ASAP1: variants seen among roughly 807,000 people sequenced by gnomAD.
The protein encoded by ASAP1 is ArfGAP with SH3 domain, ankyrin repeat and PH domain 1.
Under a neutral mutation model 145.2 loss-of-function variants are expected in ASAP1, and 43 were observed. That is an observed-to-expected ratio of 0.30 (90% CI 0.23 to 0.38). ASAP1 has a LOEUF of 0.38. Among genes scored for constraint, ASAP1 ranks in the 10% least tolerant of loss-of-function variants. ASAP1 has a pLI of 1.00. For missense variants in ASAP1, 1,018 were observed against 1,355.3 expected, an observed-to-expected ratio of 0.75 and a Z score of 3.91; for synonymous variants, 546 against 515.5, an observed-to-expected ratio of 1.06 and a Z score of -0.80.
chr8:130,134,191 C>T lies in ASAP1; in HGVS notation c.1217+105G>A, dbSNP rs970396749. On this transcript the variant is annotated intron_variant, in intron 15 of 29. Transcript: ENST00000518721. Reference sequence around the variant, plus strand: ...CAGGCGGGAAAGAAGCATGGAGCCACCAGGCGAGGTTCTTACAAATGAAAA... The same window carrying T: ...CAGGCGGGAAAGAAGCATGGAGCCATCAGGCGAGGTTCTTACAAATGAAAA... 2.0e-5 allele frequency: 16 copies of T among 814,518 alleles called. No individual in the cohort carries two copies. In the African/African-American group the frequency reaches 2.9e-4, roughly 15 times the overall value. 50.5% of individuals were successfully genotyped at this position (814,518 alleles called of 1,614,324 possible).
chr8:130,198,959 A>C, intron 5 of ASAP1, among the ~76,000 whole-genome samples: 1 of 151,226 alleles, frequency 6.6e-6, no homozygotes, highest in Non-Finnish European at 1.5e-5. Context: ...CTGCACTACA[A>C]CTCCTTTTGG....
At chr8:130,289,810 T>C (rs1440378194) in intron 3 of ASAP1, among the ~76,000 whole-genome samples, 1 of 152,186 alleles carries the variant, frequency 6.6e-6, no homozygotes, top group Non-Finnish European at 1.5e-5. Context: ...ATACTTATTG[T>C]TTATTATACA....
At chr8:130,218,985 G>A (rs780663261) in intron 4 of ASAP1, among the ~76,000 whole-genome samples, 2 of 151,812 alleles carry the variant, frequency 1.3e-5, no homozygotes, top group Non-Finnish European at 2.9e-5. Context: ...AGTTTAGTAA[G>A]ATATATCTTG....
chr8:130,139,600 A>G (rs926156067), intron 13 of ASAP1, among the ~76,000 whole-genome samples: 1 of 151,990 alleles, frequency 6.6e-6, no homozygotes, highest in East Asian at 1.9e-4. Flanking sequence ...ATGACGGCGC[A>G]TGCCTGTAAT....
At chr8:130,357,979 C>A (rs761239180) in intron 3 of ASAP1, 38 bp downstream of exon 3, 2 of 1,578,072 alleles carry the variant, frequency 1.3e-6, no homozygotes. Context: ...GCGGCGGCAG[C>A]GGCGAGCGTG....
intron 3 of ASAP1, among the ~76,000 whole-genome samples, chr8:130,341,929 G>C (rs145954408): frequency 6.6e-6 from 1 of 152,326 alleles, no homozygotes; most frequent in African/African-American, 2.4e-5. Context: ...GAGATGGGAA[G>C]AGACAGCCAG....
intron 11 of ASAP1, chr8:130,160,775 A>G (rs1034506596): frequency 2.3e-6 from 3 of 1,280,874 alleles, no homozygotes. Flanking sequence ...CATAAAAAGT[A>G]TTGACTTACT....
In ASAP1 at chr8:130,358,287, G is replaced by C. The variant is rs902946113; in HGVS notation, c.60-144C>G. 7.7e-6 allele frequency: 4 copies of C among 521,436 alleles called. No individual in the cohort carries two copies. Among genetic ancestry groups the C allele is most frequent in the African/African-American group, 6.2e-5 (3 of 48,380 alleles). 32.3% of individuals were successfully genotyped at this position (521,436 alleles called of 1,614,324 possible). ...GGCCTGGCGCGCGGCTCCCGTCCCC[G>C]GCAGCGGCGAGAGGGAGGGAAGGAG... On this transcript the variant is annotated intron_variant, in intron 2 of 29. Transcript: ENST00000518721. This position sits in a 1 kb window ranked among gnomAD's most constrained non-coding sequence, Gnocchi z 4.1.
intron 2 of ASAP1, among the ~76,000 whole-genome samples, chr8:130,377,139 A>G (rs1381508680): frequency 1.3e-5 from 2 of 151,992 alleles, no homozygotes; most frequent in African/African-American, 2.4e-5. Context: ...ACCAAATATC[A>G]TATGTTCTCA....
intron 1 of ASAP1, among the ~76,000 whole-genome samples, chr8:130,416,558 C>T (rs75401969): frequency 0.043 from 6,524 of 152,320 alleles, 240 homozygotes; most frequent in African/African-American, 0.099. Flanking sequence ...GTTATCCTGA[C>T]TGTCATCTTC....
chr8:130,147,198 C>CAAAAAAAAAAAAAAAAAAA (rs559149769), intron 13 of ASAP1, among the ~76,000 whole-genome samples: 1 of 63,338 alleles, frequency 1.6e-5, no homozygotes, highest in Non-Finnish European at 2.7e-5. Flanking sequence ...AATGCAGTCT[C>CAAAAAAAAAAAAAAAAAAA]AAAAAAAAAA....
chr8:130,278,185 G>A (rs1022322398), intron 3 of ASAP1, among the ~76,000 whole-genome samples: 5 of 152,110 alleles, frequency 3.3e-5, no homozygotes, highest in Non-Finnish European at 5.9e-5. Context: ...AAGGGAATGA[G>A]CAATGTAAAC....
intron 3 of ASAP1, among the ~76,000 whole-genome samples, chr8:130,249,400 G>C (rs1307805677): frequency 6.6e-6 from 1 of 152,120 alleles, no homozygotes; most frequent in African/African-American, 2.4e-5. Flanking sequence ...TAACATGCCA[G>C]GCTCCTTTCT....
At chr8:130,084,907 C>G (rs1340175444) in intron 25 of ASAP1, 3 of 152,066 alleles carry the variant, frequency 2.0e-5, no homozygotes, top group Non-Finnish European at 4.4e-5. Flanking sequence ...AGCAGTAAAC[C>G]AATTTTTGGT....
At position 130,201,197 on chromosome 8, in the gene ASAP1, C is replaced by G. The variant is rs144789140; in HGVS notation, c.406-13014G>C. Among the ~76,000 whole-genome samples the G allele has an allele frequency of 4.0e-3, 603 of 152,294 alleles. 2 individuals are homozygous for G. The highest frequency in any genetic ancestry group is 6.8e-3 in the Middle Eastern group (2 of 294). On this transcript the variant is annotated intron_variant, in intron 5 of 29. Transcript: ENST00000518721. ...TCCAAGTGGAAGAAAAACCAAAGTT[C>G]CTTTAGAGAAGGAAAGACTTACAGC...
At chr8:130,151,370 C>CAAAAAAAAAAAAAAAAAAAAA (rs58367856) in intron 13 of ASAP1, among the ~76,000 whole-genome samples, 2 of 62,820 alleles carry the variant, frequency 3.2e-5, no homozygotes, top group African/African-American at 5.5e-5. Context: ...GACTCAGTCT[C>CAAAAAAAAAAAAAAAAAAAAA]AAAAAAAAAA....
At chr8:130,278,411 C>G (rs992413596) in intron 3 of ASAP1, among the ~76,000 whole-genome samples, 5 of 152,098 alleles carry the variant, frequency 3.3e-5, no homozygotes, top group African/African-American at 1.2e-4. Flanking sequence ...ATGACCCTAC[C>G]TAAAAATGAA....
intron 17 of ASAP1, 68 bp from the exon 18 acceptor site, chr8:130,124,172 A>G: frequency 3.5e-6 from 4 of 1,143,134 alleles, no homozygotes; most frequent in South Asian, 1.3e-5. Context: ...GTCTCCTATT[A>G]TTTGTTTTTG....
rs868064800 is a variant in ASAP1 at position 130,108,371 on chromosome 8, A to G, written c.2401+3723T>C. On this transcript the variant is annotated intron_variant, in intron 24 of 29. Coordinates refer to ENST00000518721, the MANE Select transcript of ASAP1 (RefSeq NM_018482.4). ...CAGGTGTTCACCTTTCTAAACGCTT[A>G]AAAGGTTAGTTCTTTTAAGCATGTT... 6.6e-5 allele frequency among the ~76,000 whole-genome samples: 10 copies of G among 152,224 alleles called. No individual in the cohort carries two copies. The South Asian group carries it at 1.2e-3, about 19-fold the overall frequency.
Sources: gnomAD v4.1 joint callset for allele counts (sites outside exome capture counted in the v4.1 genomes callset) on GRCh38, gnomAD v4.1.1 for gene constraint, Gnocchi (gnomAD v3.1) non-coding constraint, MANE v1.5 for transcripts, NCBI Gene and HGNC (gene_info 2026-07-23, HGNC 2026-07-21) for gene names.